Variants in PLB1 observed in about 807,000 individuals in gnomAD.
The protein encoded by PLB1 is phospholipase B1, membrane-associated.
Under a neutral mutation model 227.4 loss-of-function variants are expected in PLB1, and 242 were observed. The ratio of observed to expected loss-of-function variants is 1.06; its 90% CI spans 0.96 to 1.18. The LOEUF is 1.18. Ranked by LOEUF, PLB1 falls within the 50% of genes most tolerant of loss-of-function variation. PLB1 has a pLI of 0.00. For missense variants in PLB1, 1,858 were observed against 1,816.3 expected, an observed-to-expected ratio of 1.02 and a Z score of -0.42; for synonymous variants, 757 against 682.2, an observed-to-expected ratio of 1.11 and a Z score of -1.71.
At chr2:28,530,696 A>C (rs944141305) in intron 8 of PLB1, among the ~76,000 whole-genome samples, 10 of 152,248 alleles carry the variant, frequency 6.6e-5, no homozygotes, top group African/African-American at 2.2e-4. Context: ...CCTTGCTAGC[A>C]AACTGTATCT....
In PLB1 at chr2:28,541,805, A is replaced by G. The variant is rs1672528085; in HGVS notation, c.873A>G (p.Leu291=). ...QPFFYETTPS[L]HSEDPRLQDS... The stretch of plus-strand genomic sequence containing the variant: ...TCTTCTATGAGACCACCCCATCTCT[A>G]CACTCGGTAAGTGGGGGCTGCATGG... Residue 291 remains leucine, a synonymous_variant, in exon 13 of 58, where the codon CTA becomes CTG. Transcript: ENST00000327757. 5 of 1,610,228 alleles carry G rather than the reference A, an allele frequency of 3.1e-6. No individual in the cohort carries two copies. Among genetic ancestry groups the G allele is most frequent in the Non-Finnish European group, 4.2e-6 (5 of 1,176,888 alleles).
At chr2:28,569,205 C>T (rs1364031639) in intron 20 of PLB1, among the ~76,000 whole-genome samples, 4 of 147,760 alleles carry the variant, frequency 2.7e-5, no homozygotes, top group East Asian at 1.9e-4. Context: ...TGTGAGACAG[C>T]GGGGGCAAGT....
intron 56 of PLB1, 111 bp from the exon 57 acceptor site, chr2:28,640,816 C>T: frequency 8.7e-7 from 1 of 1,149,292 alleles, no homozygotes; most frequent in Non-Finnish European, 1.2e-6. Flanking sequence ...TCGCTGGTTT[C>T]TATCCCCCAC....
Position 28,529,393 on chromosome 2 carries a change from C to A in PLB1, c.402C>A (p.Pro134=), listed in dbSNP as rs1453574407. 2.5e-6 allele frequency: 4 copies of A among 1,603,538 alleles called. No homozygotes were observed. Among genetic ancestry groups the A allele is most frequent in the African/African-American group, 1.3e-5 (1 of 74,650 alleles). The stretch of plus-strand genomic sequence containing the variant: ...GCCACACTGGAAAGAGAGTCATACC[C>A]CACGATGGTGCTGAGTAAGTTCCCT... ...PVCHTGKRVI[P]HDGAEDLWIQ... The change falls in exon 7 of 58, where the codon CCC becomes CCA. Residue 134 remains proline, a synonymous_variant. Coordinates refer to ENST00000327757, the MANE Select transcript of PLB1 (RefSeq NM_153021.5).
intron 49 of PLB1, among the ~76,000 whole-genome samples, chr2:28,623,394 C>T (rs140799167): frequency 1.1e-3 from 160 of 152,270 alleles, no homozygotes; most frequent in African/African-American, 3.5e-3. Flanking sequence ...TGTAACTTCC[C>T]CTCCTACCCA....
intron 3 of PLB1, among the ~76,000 whole-genome samples, chr2:28,519,091 A>C (rs1208949265): frequency 6.6e-6 from 1 of 152,220 alleles, no homozygotes; most frequent in African/African-American, 2.4e-5. Context: ...TGTCTTCTTT[A>C]GGTGGCTTAC....
chr2:28,615,717 G>GCCCA (rs1686105346), intron 44 of PLB1, among the ~76,000 whole-genome samples: 1 of 152,226 alleles, frequency 6.6e-6, no homozygotes, highest in South Asian at 2.1e-4. Context: ...CCTATTGGAT[G>GCCCA]CCTATGTAGA....
At chr2:28,614,301 G>A (rs950154089) in intron 44 of PLB1, among the ~76,000 whole-genome samples, 2 of 152,132 alleles carry the variant, frequency 1.3e-5, no homozygotes, top group African/African-American at 4.8e-5. Flanking sequence ...CCTGACGTCA[G>A]CCCCCAAGCA....
chr2:28,584,389 G>T (rs1680555188), intron 25 of PLB1, among the ~76,000 whole-genome samples: 1 of 152,202 alleles, frequency 6.6e-6, no homozygotes, highest in Admixed American at 6.5e-5. Context: ...TCCTATGAAC[G>T]CAGCTGGTGT....
intron 44 of PLB1, among the ~76,000 whole-genome samples, chr2:28,615,684 G>A (rs1225889394): frequency 6.6e-6 from 1 of 152,170 alleles, no homozygotes; most frequent in Non-Finnish European, 1.5e-5. Context: ...TGTGAATCAG[G>A]CATTTCTTCA....
At chr2:28,568,850 T>C (rs769729605) in intron 20 of PLB1, among the ~76,000 whole-genome samples, 6 of 152,216 alleles carry the variant, frequency 3.9e-5, no homozygotes, top group Non-Finnish European at 8.8e-5. Flanking sequence ...CACCAGCAAG[T>C]CGTTGCCCTA....
At position 28,640,944 on chromosome 2, in the gene PLB1, C is replaced by T; in HGVS notation, c.4116C>T (p.Arg1372=). ...LWNNMLEPVG[R]KTTSNNFTHS... is the part of the protein sequence containing the mutation. The stretch of plus-strand genomic sequence containing the variant: ...CTCTCCAGCTGGAACCAGTGGGCCG[C>T]AAGACTACCTCCAACAACTTCACCC... Residue 1372 remains arginine (R), a synonymous_variant, in exon 57 of 58, where the codon CGC becomes CGT. Coordinates refer to ENST00000327757, the MANE Select transcript of PLB1 (RefSeq NM_153021.5). 6.2e-7 allele frequency: 1 copy of T among 1,613,832 alleles called. No homozygotes were observed. The highest frequency in any genetic ancestry group is 8.5e-7 in the Non-Finnish European group (1 of 1,179,862).
intron 1 of PLB1, among the ~76,000 whole-genome samples, chr2:28,501,597 A>G (rs577079254): frequency 1.3e-5 from 2 of 152,290 alleles, no homozygotes; most frequent in Admixed American, 6.5e-5. Flanking sequence ...GAGAGGTCCC[A>G]TCCCCTTCCC....
chr2:28,609,088 G>A (rs1685086543), intron 43 of PLB1, among the ~76,000 whole-genome samples: 1 of 151,968 alleles, frequency 6.6e-6, no homozygotes, highest in Non-Finnish European at 1.5e-5. Context: ...GCTAATTTTG[G>A]TTTATTTGTT....
chr2:28,643,298 C>T lies in PLB1; in HGVS notation c.*237C>T, dbSNP rs553037545. ...GGGTTTGCCTGCGTGAAGCACTCACCTTCCATCTCTTGTGCAGCCCAGGTG... is the reference window on the plus strand; with the variant it reads ...GGGTTTGCCTGCGTGAAGCACTCACTTTCCATCTCTTGTGCAGCCCAGGTG... On this transcript the variant is annotated 3_prime_UTR_variant, in exon 58 of 58. Coordinates refer to ENST00000327757, the MANE Select transcript of PLB1 (RefSeq NM_153021.5). 1.5e-5 allele frequency: 6 copies of T among 411,044 alleles called. No individual in the cohort carries two copies. The highest frequency in any genetic ancestry group is 1.0e-4 in the African/African-American group (5 of 49,636). The allele number at this position is 411,044 out of a possible 1,614,324, so 25.5% of individuals were successfully genotyped here.
chr2:28,602,847 G>A lies in PLB1; in HGVS notation c.2700G>A (p.Val900=). 1 of 1,614,166 alleles carries A rather than the reference G, an allele frequency of 6.2e-7. No individual in the cohort carries two copies. The highest frequency in any genetic ancestry group is 8.5e-7 in the Non-Finnish European group (1 of 1,180,014). The change falls in exon 39 of 58, where the codon GTG becomes GTA. Residue 900 remains valine (V), a synonymous_variant. Transcript: ENST00000327757. Reference sequence around the variant, plus strand: ...TGCCCAGAGTCCTGGTCAACCTCGTGGACTTCCTGAACCCCACTATCATGC... The same window carrying A: ...TGCCCAGAGTCCTGGTCAACCTCGTAGACTTCCTGAACCCCACTATCATGC... The part of the protein sequence containing the change: ...REVPRVLVNL[V]DFLNPTIMRQ...
At chr2:28,498,506 C>A (rs1666736412) in intron 1 of PLB1, among the ~76,000 whole-genome samples, 1 of 152,214 alleles carries the variant, frequency 6.6e-6, no homozygotes, top group Admixed American at 6.5e-5. Flanking sequence ...AGCAATCCTC[C>A]TGTCTTGGCC....
At chr2:28,564,698 G>GAT (rs1676594979) in intron 18 of PLB1, among the ~76,000 whole-genome samples, 1 of 152,140 alleles carries the variant, frequency 6.6e-6, no homozygotes, top group South Asian at 2.1e-4. Flanking sequence ...CTCTCATGGA[G>GAT]GCCAGCCTTC....
At chr2:28,626,340 C>T in intron 50 of PLB1, 88 bp from the exon 51 acceptor site, 1 of 1,069,268 alleles carries the variant, frequency 9.4e-7, no homozygotes, top group Non-Finnish European at 1.4e-6. Context: ...AGACAAAAGG[C>T]ACTTGGAGGG....
Sources: allele counts gnomAD v4.1 joint callset (sites outside exome capture counted in the v4.1 genomes callset), GRCh38; gene constraint gnomAD v4.1.1; transcripts MANE v1.5; gene names NCBI Gene and HGNC (gene_info 2026-07-23, HGNC 2026-07-21).